SMIM10L3: variants seen among roughly 807,000 people sequenced by gnomAD.
SMIM10L3 encodes small integral membrane protein 10 like 3, also known as salivary gland specific protein SAGSIN1.
chr7:6,341,452 TAA>T, the SMIM10L3 span, among the ~76,000 whole-genome samples: 7 of 138,502 alleles, frequency 5.1e-5, no homozygotes, highest in African/African-American at 1.9e-4. Flanking sequence ...AAAAAAATAA[TAA>T]TAATAATTAT....
At chr7:6,345,006 G>A in the SMIM10L3 span, among the ~76,000 whole-genome samples, 1 of 152,160 alleles carries the variant, frequency 6.6e-6, no homozygotes, top group African/African-American at 2.4e-5. Context: ...CTCTCAAAGT[G>A]CTGGGATTTA....
At chr7:6,334,169 C>T in the SMIM10L3 span, among the ~76,000 whole-genome samples, 3 of 151,464 alleles carry the variant, frequency 2.0e-5, no homozygotes, top group South Asian at 4.2e-4. Flanking sequence ...CTTAAGTGCT[C>T]CTCCCACATC....
the SMIM10L3 span, among the ~76,000 whole-genome samples, chr7:6,332,759 G>A: frequency 0.028 from 4,230 of 152,322 alleles, 83 homozygotes; most frequent in Non-Finnish European, 0.044. Flanking sequence ...ACAGCTGAAA[G>A]TGGCTGACGG....
At chr7:6,341,521 A>G in the SMIM10L3 span, among the ~76,000 whole-genome samples, 4 of 148,216 alleles carry the variant, frequency 2.7e-5, no homozygotes, top group Admixed American at 2.7e-4. Context: ...TGCCTCTACT[A>G]AAAAAAAATT....
the SMIM10L3 span, among the ~76,000 whole-genome samples, chr7:6,338,226 A>C: frequency 6.6e-6 from 1 of 152,142 alleles, no homozygotes; most frequent in Non-Finnish European, 1.5e-5. Context: ...CTTCTAAATA[A>C]TTTCTAGGCA....
chr7:6,330,919 C>T, the SMIM10L3 span: 1 of 1,614,212 alleles, frequency 6.2e-7, no homozygotes, highest in Non-Finnish European at 8.5e-7. Context: ...CACTGGGCCG[C>T]CACTGTGAAG....
the SMIM10L3 span, among the ~76,000 whole-genome samples, chr7:6,336,783 C>T: frequency 6.6e-6 from 1 of 151,448 alleles, no homozygotes; most frequent in Non-Finnish European, 1.5e-5. Flanking sequence ...GCCTCCCAAG[C>T]AGCTGGAACC....
At chr7:6,345,922 T>C in the SMIM10L3 span, among the ~76,000 whole-genome samples, 1 of 151,796 alleles carries the variant, frequency 6.6e-6, no homozygotes, top group Non-Finnish European at 1.5e-5. Context: ...GCGTGCACCA[T>C]CACACCTGCC....
the SMIM10L3 span, among the ~76,000 whole-genome samples, chr7:6,337,882 C>A: frequency 2.0e-5 from 3 of 151,612 alleles, no homozygotes; most frequent in African/African-American, 7.3e-5. Flanking sequence ...TGGCTCACTG[C>A]AACCTCCGCC....
At chr7:6,348,901 TC>T in the SMIM10L3 span, 1 of 385,356 alleles carries the variant, frequency 2.6e-6, no homozygotes, top group Middle Eastern at 6.6e-4. Context: ...TGGAGCGGAG[TC>T]CGCACGTCAC....
chr7:6,330,390 T>G, the SMIM10L3 span: 2 of 1,612,454 alleles, frequency 1.2e-6, no homozygotes, highest in South Asian at 1.1e-5. Context: ...TATGGCATAA[T>G]GTATTTGCTA....
the SMIM10L3 span, among the ~76,000 whole-genome samples, chr7:6,345,397 G>A: frequency 2.6e-5 from 4 of 152,192 alleles, no homozygotes; most frequent in Non-Finnish European, 5.9e-5. Context: ...TTATAGGCAT[G>A]AGCCACCACA....
the SMIM10L3 span, among the ~76,000 whole-genome samples, chr7:6,346,824 G>A: frequency 6.6e-6 from 1 of 152,136 alleles, no homozygotes; most frequent in Non-Finnish European, 1.5e-5. Context: ...AGAAAGGGAC[G>A]GCACCTGCAG....
At chr7:6,334,413 G>A in the SMIM10L3 span, among the ~76,000 whole-genome samples, 2 of 151,714 alleles carry the variant, frequency 1.3e-5, no homozygotes, top group Admixed American at 1.3e-4. Context: ...GAGCATGCCT[G>A]TAGTCCCTGC....
At chr7:6,338,925 G>A in the SMIM10L3 span, among the ~76,000 whole-genome samples, 1 of 152,138 alleles carries the variant, frequency 6.6e-6, no homozygotes, top group South Asian at 2.1e-4. Flanking sequence ...CGCAAGGAGA[G>A]CTCACACACG....
At chr7:6,342,871 G>T in the SMIM10L3 span, among the ~76,000 whole-genome samples, 1 of 151,322 alleles carries the variant, frequency 6.6e-6, no homozygotes, top group African/African-American at 2.4e-5. Flanking sequence ...ACCCCATCTA[G>T]AAACAAAATG....
chr7:6,330,686 G>A, the SMIM10L3 span: 48 of 1,614,102 alleles, frequency 3.0e-5, 1 homozygote, highest in East Asian at 7.8e-4. Context: ...TTTTGATGGC[G>A]TGGCAGTCGT....
the SMIM10L3 span, among the ~76,000 whole-genome samples, chr7:6,347,261 T>C: frequency 6.6e-6 from 1 of 152,192 alleles, no homozygotes; most frequent in Non-Finnish European, 1.5e-5. Flanking sequence ...ACGCCTATAA[T>C]CCCAGCACTT....
At chr7:6,334,104 C>T in the SMIM10L3 span, among the ~76,000 whole-genome samples, 1 of 151,346 alleles carries the variant, frequency 6.6e-6, no homozygotes, top group Non-Finnish European at 1.5e-5. Context: ...CCTTGGCCTC[C>T]CAAAGTGCTG....
Sources: gnomAD v4.1 joint callset for allele counts (sites outside exome capture counted in the v4.1 genomes callset) on GRCh38, gnomAD v4.1.1 for gene constraint, MANE v1.5 for transcripts, NCBI Gene and HGNC (gene_info 2026-07-23, HGNC 2026-07-21) for gene names.